Variants in TIAM2 observed in about 807,000 individuals in gnomAD.
The protein encoded by TIAM2 is TIAM Rac1 associated GEF 2, also known as rho guanine nucleotide exchange factor TIAM2.
TIAM2 carries 80 observed loss-of-function variants against 152.9 expected under a neutral mutation model. That is an observed-to-expected ratio of 0.52 (90% CI 0.44 to 0.63). TIAM2 has a LOEUF of 0.63. TIAM2 is among the 30% of genes least tolerant of loss of function. The pLI is 0.00. For missense variants in TIAM2, 1,965 were observed against 2,120.1 expected (o/e 0.93, Z 1.44); for synonymous variants, 804 against 838.0 (o/e 0.96, Z 0.70).
At chr6:155,083,959 A>G (rs760480478) in intron 1 of TIAM2, among the ~76,000 whole-genome samples, 3 of 152,156 alleles carry the variant, frequency 2.0e-5, no homozygotes, top group Non-Finnish European at 2.9e-5. Flanking sequence ...TGGAAATCCT[A>G]GTGTCACGTT....
At chr6:155,244,863 A>G in intron 18 of TIAM2, 80 bp downstream of exon 18, 2 of 1,466,764 alleles carry the variant, frequency 1.4e-6, no homozygotes, top group South Asian at 2.9e-5. Context: ...CTCTCATGAG[A>G]AAGAATTTCT....
intron 1 of TIAM2, among the ~76,000 whole-genome samples, chr6:155,002,712 G>A (rs182521161): frequency 7.1e-4 from 74 of 104,096 alleles, no homozygotes; most frequent in African/African-American, 1.9e-3. Flanking sequence ...ACGGAGTTTC[G>A]TTCTGTTGCT....
At chr6:155,154,183 A>G (rs1390604500) in intron 7 of TIAM2, among the ~76,000 whole-genome samples, 4 of 152,182 alleles carry the variant, frequency 2.6e-5, no homozygotes, top group Non-Finnish European at 5.9e-5. Context: ...TAAAACCTCA[A>G]TAAATATACA....
intron 21 of TIAM2, 124 bp downstream of exon 21, chr6:155,250,093 T>C: frequency 1.5e-6 from 1 of 651,464 alleles, no homozygotes; most frequent in Non-Finnish European, 2.7e-6. Flanking sequence ...TTTTTCTTGA[T>C]AACAATGTGT....
At chr6:155,000,786 C>G (rs1778299789) in intron 1 of TIAM2, among the ~76,000 whole-genome samples, 1 of 152,258 alleles carries the variant, frequency 6.6e-6, no homozygotes, top group South Asian at 2.1e-4. Flanking sequence ...GAGTTCAAGA[C>G]CAGCCTGGCC....
In TIAM2 at chr6:155,257,269, T is replaced by TTAAG. The variant is rs1180901870; in HGVS notation, c.*150_*153dup. The TTAAG allele has an allele frequency of 4.0e-5, 35 of 882,106 alleles. No individual in the cohort carries two copies. In the Admixed American group the frequency reaches 9.8e-4, roughly 25 times the overall value. The allele number at this position is 882,106 out of a possible 1,614,324, so 54.6% of individuals were successfully genotyped here. A position where few individuals can be genotyped will look rare whatever the true frequency, so the allele number is the denominator to read the frequency against. On this transcript the variant is annotated 3_prime_UTR_variant, in exon 27 of 27. Coordinates refer to ENST00000682666, the MANE Select transcript of TIAM2 (RefSeq NM_012454.4). ...TTTCCCACAAAATGGTTGTAAAGAT[T>TTAAG]TAAGTTATTTTAATTTATTGTGGAT...
In TIAM2 at chr6:154,995,933, A is replaced by T. The variant is rs1778204091; in HGVS notation, c.-209+441A>T. Among the ~76,000 whole-genome samples the T allele has an allele frequency of 6.6e-6, 1 of 152,120 alleles. No individual in the cohort carries two copies. ...CCGCTGCGCCCACGCCCGCCCGGCG[A>T]CCTCGGAGCCTCAGAAAGGCGCTGC... On this transcript the variant is annotated intron_variant, in intron 1 of 26. Transcript: ENST00000682666. The surrounding 1 kb of genome is among the most constrained non-coding windows in gnomAD (Gnocchi z 5.2).
intron 14 of TIAM2, among the ~76,000 whole-genome samples, chr6:155,187,573 C>CCCCTTT (rs1189509294): frequency 4.0e-5 from 2 of 49,614 alleles, no homozygotes; most frequent in Non-Finnish European, 7.4e-5. Flanking sequence ...ACCCCGCCCC[C>CCCCTTT]TTTTTTTTTT....
At chr6:155,208,752 C>T (rs915085935) in intron 14 of TIAM2, among the ~76,000 whole-genome samples, 1 of 152,154 alleles carries the variant, frequency 6.6e-6, no homozygotes, top group Non-Finnish European at 1.5e-5. Flanking sequence ...GCTCAACCAT[C>T]CCTTTTTTCT....
At chr6:155,033,005 T>C (rs528617675) in intron 1 of TIAM2, among the ~76,000 whole-genome samples, 2 of 152,354 alleles carry the variant, frequency 1.3e-5, no homozygotes, top group South Asian at 4.1e-4. Context: ...GTTTCCTTTC[T>C]GTTGTCCATG....
chr6:155,094,737 TG>T (rs1350508983), intron 2 of TIAM2, among the ~76,000 whole-genome samples: 11 of 149,726 alleles, frequency 7.3e-5, no homozygotes, highest in Admixed American at 1.3e-4. Context: ...TTTTTTTTTT[TG>T]TTTTTTTGTT....
At chr6:155,133,698 T>C (rs937557080) in intron 4 of TIAM2, among the ~76,000 whole-genome samples, 3 of 151,978 alleles carry the variant, frequency 2.0e-5, no homozygotes, top group Non-Finnish European at 2.9e-5. Context: ...AATCTTGCAG[T>C]GCATGTCTTT....
Position 155,186,563 on chromosome 6 carries a change from T to C in TIAM2, c.3064+3063T>C, listed in dbSNP as rs1210637927. 1.3e-5 allele frequency among the ~76,000 whole-genome samples: 2 copies of C among 152,202 alleles called. No individual in the cohort carries two copies. The highest frequency in any genetic ancestry group is 2.9e-5 in the Non-Finnish European group (2 of 68,020). ...CTCACTTTTCTCATCCAGAGGATAA[T>C]GTTTCTCCCCTGCCCCTGTGGTCCC... On this transcript the variant is annotated intron_variant, in intron 14 of 26. Coordinates refer to ENST00000682666, the MANE Select transcript of TIAM2 (RefSeq NM_012454.4). This position sits in a 1 kb window ranked among gnomAD's most constrained non-coding sequence, Gnocchi z 4.5.
intron 15 of TIAM2, among the ~76,000 whole-genome samples, chr6:155,239,107 T>C (rs1782906641): frequency 6.6e-6 from 1 of 152,200 alleles, no homozygotes; most frequent in African/African-American, 2.4e-5. Context: ...CTTTCTGCAA[T>C]ATCCAAGGAA....
chr6:155,084,951 A>G (rs1423717791), intron 1 of TIAM2, among the ~76,000 whole-genome samples: 1 of 152,206 alleles, frequency 6.6e-6, no homozygotes, highest in Non-Finnish European at 1.5e-5. Context: ...AATAAGAGTC[A>G]CAGAATGGTT....
chr6:155,154,030 T>C (rs998805883), intron 7 of TIAM2, among the ~76,000 whole-genome samples: 3 of 152,216 alleles, frequency 2.0e-5, no homozygotes, highest in African/African-American at 7.2e-5. Flanking sequence ...AAAAATGTAA[T>C]GTGAAGCCAC....
chr6:155,243,958 T>C (rs1426235034), intron 16 of TIAM2, 53 bp from the exon 17 acceptor site: 8 of 1,492,332 alleles, frequency 5.4e-6, no homozygotes, highest in Non-Finnish European at 7.4e-6. Flanking sequence ...CCAAATCTCA[T>C]GGGTATTTTG....
intron 1 of TIAM2, among the ~76,000 whole-genome samples, chr6:155,077,099 T>C (rs1213154818): frequency 6.6e-6 from 1 of 152,248 alleles, no homozygotes; most frequent in East Asian, 1.9e-4. Context: ...TCCCATAGTT[T>C]ATTGTACATT....
At position 155,006,682 on chromosome 6, in the gene TIAM2, C is replaced by CA. The variant is rs577214442; in HGVS notation, c.-209+11205dup. ...GACTGTCTCCCCCACCTCCCCCCAC[C>CA]AAAAAAAAAAAAAAAGAAAAAAAAA... is the stretch of plus-strand genomic sequence containing the variant. On this transcript the variant is annotated intron_variant, in intron 1 of 26. Coordinates refer to ENST00000682666, the MANE Select transcript of TIAM2 (RefSeq NM_012454.4). 9.2e-3 allele frequency among the ~76,000 whole-genome samples: 801 copies of CA among 87,010 alleles called. 2 individuals are homozygous for CA. Among genetic ancestry groups the CA allele is most frequent in the Non-Finnish European group, 0.012 (495 of 41,234 alleles). 57.1% of individuals were successfully genotyped at this position (87,010 alleles called of 152,430 possible).
Sources: gnomAD v4.1 joint callset for allele counts (sites outside exome capture counted in the v4.1 genomes callset) on GRCh38, gnomAD v4.1.1 for gene constraint, Gnocchi (gnomAD v3.1) non-coding constraint, MANE v1.5 for transcripts, NCBI Gene and HGNC (gene_info 2026-07-23, HGNC 2026-07-21) for gene names.